Variants in PPFIA2 observed in about 807,000 individuals in gnomAD.
PPFIA2 encodes the protein liprin-alpha-2.
A neutral mutation model predicts 175.5 loss-of-function variants in PPFIA2; 46 were observed. That is an observed-to-expected ratio of 0.26 (90% confidence interval 0.21 to 0.34). The LOEUF (loss-of-function observed/expected upper bound fraction) is 0.34. Ranked by LOEUF, PPFIA2 falls within the 10% of genes least tolerant of loss-of-function variation. The pLI is 1.00. For missense variants in PPFIA2, 1,179 were observed against 1,506.1 expected (o/e 0.78, Z 3.60); for synonymous variants, 568 against 511.4 (o/e 1.11, Z -1.49).
At chr12:81,667,706 A>G (rs1407939675) in intron 4 of PPFIA2, among the ~76,000 whole-genome samples, 1 of 152,020 alleles carries the variant, frequency 6.6e-6, no homozygotes, top group South Asian at 2.1e-4. Context: ...GAGCAGATTC[A>G]TAACTTTCCA....
At chr12:81,657,426 C>T (rs1213836807) in intron 4 of PPFIA2, among the ~76,000 whole-genome samples, 3 of 152,152 alleles carry the variant, frequency 2.0e-5, no homozygotes, top group East Asian at 1.9e-4. Context: ...GACCTGTACA[C>T]GTCCTGTTGC....
intron 19 of PPFIA2, among the ~76,000 whole-genome samples, chr12:81,342,622 G>A (rs1445166911): frequency 6.6e-6 from 1 of 151,820 alleles, no homozygotes; most frequent in Non-Finnish European, 1.5e-5. Context: ...AACTGCTTTC[G>A]GATTGATTCT....
intron 3 of PPFIA2, among the ~76,000 whole-genome samples, chr12:81,745,336 T>C: frequency 6.6e-6 from 1 of 152,098 alleles, no homozygotes. Context: ...CTCTCTTTAT[T>C]CTCACTTCAC....
At chr12:81,541,169 T>A (rs2066154766) in intron 4 of PPFIA2, among the ~76,000 whole-genome samples, 1 of 152,146 alleles carries the variant, frequency 6.6e-6, no homozygotes, top group African/African-American at 2.4e-5. Context: ...TCTTCTATTA[T>A]AAGAATAAAA....
chr12:81,709,166 G>C (rs1194652640), intron 3 of PPFIA2, among the ~76,000 whole-genome samples: 1 of 151,976 alleles, frequency 6.6e-6, no homozygotes, highest in Non-Finnish European at 1.5e-5. Context: ...GCCTATTCCA[G>C]CCTTAGAATC....
chr12:81,597,212 A>G (rs1370274698), intron 4 of PPFIA2, among the ~76,000 whole-genome samples: 1 of 152,134 alleles, frequency 6.6e-6, no homozygotes, highest in East Asian at 1.9e-4. Flanking sequence ...AATGAAAGGC[A>G]CAATTTGAAG....
chr12:81,463,634 A>G (rs924225873), intron 4 of PPFIA2, among the ~76,000 whole-genome samples: 2 of 152,112 alleles, frequency 1.3e-5, no homozygotes, highest in Non-Finnish European at 2.9e-5. Context: ...AAACACATTT[A>G]TATGAGCACT....
intron 4 of PPFIA2, among the ~76,000 whole-genome samples, chr12:81,507,593 T>G (rs2147658958): frequency 6.6e-6 from 1 of 152,288 alleles, no homozygotes; most frequent in African/African-American, 2.4e-5. Context: ...AAAAGTTTGT[T>G]GGATTTATTT....
At chr12:81,407,212 C>G (rs1265883474) in intron 7 of PPFIA2, among the ~76,000 whole-genome samples, 1 of 152,130 alleles carries the variant, frequency 6.6e-6, no homozygotes, top group African/African-American at 2.4e-5. Flanking sequence ...TGGCCCAGCG[C>G]GGCAGCTCAC....
chr12:81,301,544 T>C (rs961603489), intron 22 of PPFIA2, among the ~76,000 whole-genome samples: 1 of 152,184 alleles, frequency 6.6e-6, no homozygotes, highest in African/African-American at 2.4e-5. Flanking sequence ...AGTGATCCTT[T>C]TGAGTCTGAT....
intron 8 of PPFIA2, among the ~76,000 whole-genome samples, chr12:81,386,002 G>A (rs2038855768): frequency 6.6e-6 from 1 of 151,968 alleles, no homozygotes; most frequent in Admixed American, 6.6e-5. Context: ...AAGGCCTGGT[G>A]TTGTGGCTCA....
At chr12:81,418,432 T>C (rs938745553) in intron 7 of PPFIA2, among the ~76,000 whole-genome samples, 23 of 151,986 alleles carry the variant, frequency 1.5e-4, no homozygotes, top group African/African-American at 5.3e-4. Context: ...AAGCTAAAAA[T>C]TGTTTTGACA....
At chr12:81,601,913 T>G (rs2059830674) in intron 4 of PPFIA2, among the ~76,000 whole-genome samples, 1 of 151,874 alleles carries the variant, frequency 6.6e-6, no homozygotes, top group South Asian at 2.1e-4. Context: ...ATGCCCATCT[T>G]CTATTAAAAA....
intron 4 of PPFIA2, among the ~76,000 whole-genome samples, chr12:81,585,020 A>AATATATT (rs1555505003): frequency 1.1e-5 from 1 of 92,882 alleles, no homozygotes; most frequent in Non-Finnish European, 2.1e-5. Context: ...ATTTATATAT[A>AATATATT]ATATATTAAT....
intron 3 of PPFIA2, among the ~76,000 whole-genome samples, chr12:81,687,838 T>C (rs1368060119): frequency 6.6e-6 from 1 of 151,920 alleles, no homozygotes; most frequent in Non-Finnish European, 1.5e-5. Context: ...TATTAATTAT[T>C]ATTATTCATG....
At chr12:81,591,464 A>G (rs2058663464) in intron 4 of PPFIA2, among the ~76,000 whole-genome samples, 1 of 152,198 alleles carries the variant, frequency 6.6e-6, no homozygotes, top group African/African-American at 2.4e-5. Flanking sequence ...GACAATAGTG[A>G]AAATGTCTCC....
rs551639855 is a variant in PPFIA2 at position 81,670,484 on chromosome 12, T to C, written c.303+6307A>G. On this transcript the variant is annotated intron_variant, in intron 4 of 32. Coordinates refer to ENST00000549396, the MANE Select transcript of PPFIA2 (RefSeq NM_003625.5). ...CTAGTACCTGGAAATATTTTGGTTC[T>C]GAAATGCTTAAACCAAGCACACAGG... 3.3e-5 allele frequency among the ~76,000 whole-genome samples: 5 copies of C among 152,058 alleles called. No individual in the cohort carries two copies. The South Asian group carries it at 1.0e-3, about 32-fold the overall frequency.
chr12:81,738,387 T>A (rs534814765), intron 3 of PPFIA2, among the ~76,000 whole-genome samples: 20 of 151,900 alleles, frequency 1.3e-4, no homozygotes, highest in Non-Finnish European at 2.9e-5. Context: ...AGAAGAAAAA[T>A]GATCCCAGAT....
intron 24 of PPFIA2, among the ~76,000 whole-genome samples, chr12:81,286,030 T>C (rs1341922642): frequency 6.6e-6 from 1 of 152,010 alleles, no homozygotes; most frequent in Non-Finnish European, 1.5e-5. Flanking sequence ...CGATCCTGTG[T>C]AGGCCTATAG....
Sources: allele counts gnomAD v4.1 joint callset (sites outside exome capture counted in the v4.1 genomes callset), GRCh38; gene constraint gnomAD v4.1.1; transcripts MANE v1.5; gene names NCBI Gene and HGNC (gene_info 2026-07-23, HGNC 2026-07-21).